MALRD1: variants seen among roughly 807,000 people sequenced by gnomAD.
MALRD1 encodes MAM and LDL-receptor class A domain-containing protein 1.
In MALRD1, 247 loss-of-function variants were observed where a neutral mutation model predicts 242.1. The observed-to-expected ratio is 1.02, with a 90% CI of 0.92 to 1.13. MALRD1 has a LOEUF of 1.13. MALRD1 is among the 50% of genes most tolerant of loss of function. The probability of loss-of-function intolerance (pLI) is 0.00; values close to 1 mark genes in which losing one functional copy is unlikely to be tolerated. For synonymous variants in MALRD1, 995 were observed against 866.6 expected (o/e 1.15, Z -2.60); for missense variants, 2,989 against 2,533.1 (o/e 1.18, Z -3.86).
intron 10 of MALRD1, among the ~76,000 whole-genome samples, chr10:19,138,326 C>T (rs1240354494): frequency 1.3e-5 from 2 of 151,940 alleles, no homozygotes; most frequent in Non-Finnish European, 2.9e-5. Flanking sequence ...CAATTTGCTT[C>T]ATTTCTGTTG....
At chr10:19,682,797 A>G (rs1211036489) in intron 36 of MALRD1, among the ~76,000 whole-genome samples, 1 of 152,232 alleles carries the variant, frequency 6.6e-6, no homozygotes, top group African/African-American at 2.4e-5. Context: ...TGGCCCAGAA[A>G]ACACTCGATC....
At chr10:19,178,956 T>A (rs1413722600) in intron 14 of MALRD1, among the ~76,000 whole-genome samples, 2 of 152,216 alleles carry the variant, frequency 1.3e-5, no homozygotes, top group Non-Finnish European at 2.9e-5. Context: ...GACCTCTGCA[T>A]GATGGAAATG....
At position 19,497,366 on chromosome 10, in the gene MALRD1, C is replaced by T. The variant is rs866109119; in HGVS notation, c.5159-1119C>T. On this transcript the variant is annotated intron_variant, in intron 30 of 39. Coordinates refer to ENST00000454679, the MANE Select transcript of MALRD1 (RefSeq NM_001142308.3). ...CACACAGAGCCCATAAATAAGCATA[C>T]AAGAAGCAATAGATTATATATAGTC... Among the ~76,000 whole-genome samples the T allele has an allele frequency of 1.8e-5, 2 of 108,562 alleles. 1 individual carries two copies. Among genetic ancestry groups the T allele is most frequent in the Non-Finnish European group, 3.5e-5 (2 of 56,896 alleles). The allele number at this position is 108,562 out of a possible 152,430, so 71.2% of individuals were successfully genotyped here.
chr10:19,135,131 T>C lies in MALRD1; in HGVS notation c.1203+1183T>C, dbSNP rs189191269. 7.9e-5 allele frequency among the ~76,000 whole-genome samples: 12 copies of C among 152,282 alleles called. No individual in the cohort carries two copies. In the East Asian group the frequency reaches 2.3e-3, roughly 29 times the overall value. ...TGAAAATCTGACCTTAAGTAATTAT[T>C]AATGAACAAACAAATATATATCCCT... On this transcript the variant is annotated intron_variant, in intron 9 of 39. Transcript: ENST00000454679.
At chr10:19,080,367 A>G (rs1412530816) in intron 2 of MALRD1, among the ~76,000 whole-genome samples, 1 of 152,078 alleles carries the variant, frequency 6.6e-6, no homozygotes, top group African/African-American at 2.4e-5. Context: ...ACTTCAAACT[A>G]TACTACAAGG....
At chr10:19,227,178 C>G (rs1837836015) in intron 18 of MALRD1, among the ~76,000 whole-genome samples, 1 of 150,924 alleles carries the variant, frequency 6.6e-6, no homozygotes, top group African/African-American at 2.4e-5. Context: ...TGCGGAAGTC[C>G]AAGAATAGCC....
intron 32 of MALRD1, among the ~76,000 whole-genome samples, chr10:19,535,162 G>T (rs1052535384): frequency 2.6e-4 from 39 of 152,210 alleles, no homozygotes; most frequent in Non-Finnish European, 4.6e-4. Flanking sequence ...GGGATTACAG[G>T]CGTGAGCCAC....
intron 9 of MALRD1, among the ~76,000 whole-genome samples, chr10:19,135,017 T>C (rs1833280245): frequency 6.6e-6 from 1 of 152,230 alleles, no homozygotes; most frequent in African/African-American, 2.4e-5. Context: ...GGGAAAAGTA[T>C]GTAGCAGCAT....
At chr10:19,133,719 C>A in intron 8 of MALRD1, 137 bp from the exon 9 acceptor site, 1 of 401,904 alleles carries the variant, frequency 2.5e-6, no homozygotes, top group Non-Finnish European at 4.3e-6. Flanking sequence ...AATTTTACTA[C>A]CAAGACTTTA....
intron 36 of MALRD1, among the ~76,000 whole-genome samples, chr10:19,684,923 A>G (rs1842516680): frequency 6.6e-6 from 1 of 152,226 alleles, no homozygotes; most frequent in African/African-American, 2.4e-5. Flanking sequence ...ATGGTATGGA[A>G]TCAGTATACT....
At chr10:19,409,122 C>T (rs1285590883) in intron 28 of MALRD1, among the ~76,000 whole-genome samples, 3 of 152,142 alleles carry the variant, frequency 2.0e-5, no homozygotes, top group East Asian at 3.9e-4. Flanking sequence ...AATTGTGGTA[C>T]ATCCATACCA....
At chr10:19,241,178 A>G (rs535083682) in intron 18 of MALRD1, among the ~76,000 whole-genome samples, 1 of 152,056 alleles carries the variant, frequency 6.6e-6, no homozygotes, top group East Asian at 1.9e-4. Context: ...AGCAGTGAAG[A>G]CATCAGGTCC....
At chr10:19,396,209 C>G (rs986293821) in intron 28 of MALRD1, among the ~76,000 whole-genome samples, 4 of 147,952 alleles carry the variant, frequency 2.7e-5, no homozygotes, top group Non-Finnish European at 4.4e-5. Flanking sequence ...GCAATCTCAG[C>G]TCACTGCAAC....
chr10:19,618,686 TTTC>T (rs1218937971), intron 36 of MALRD1, among the ~76,000 whole-genome samples: 1 of 152,092 alleles, frequency 6.6e-6, no homozygotes, highest in African/African-American at 2.4e-5. Context: ...GGTTGTTTGT[TTTC>T]TTCTTGTAAA....
At chr10:19,520,448 T>C (rs1833827947) in intron 31 of MALRD1, among the ~76,000 whole-genome samples, 1 of 152,222 alleles carries the variant, frequency 6.6e-6, no homozygotes, top group African/African-American at 2.4e-5. Context: ...TATTTCTACT[T>C]TCTCCTTGTC....
chr10:19,691,850 G>T (rs903624893), intron 36 of MALRD1, among the ~76,000 whole-genome samples: 3 of 152,058 alleles, frequency 2.0e-5, no homozygotes, highest in South Asian at 4.1e-4. Flanking sequence ...GTGTTCTTTG[G>T]TTTGTATTTA....
rs773209446 is a variant in MALRD1, at chr10:19,331,409, A to T, written c.3728A>T (p.Asp1243Val). The T allele has an allele frequency of 1.2e-5, 18 of 1,550,286 alleles. No individual in the cohort carries two copies. The highest frequency in any genetic ancestry group is 2.7e-5 in the African/African-American group (2 of 72,978). ...AAACGTGGTATCAGTTACATAGGAG[A>T]TGTAGCAGTGGATGATATTTCCTTC... The part of the protein sequence containing the change: ...RAKRGISYIG[D>V]VAVDDISFQD... The change falls in exon 24 of 40, where the codon GAT (aspartate) becomes GTT (valine). Residue 1243 changes from aspartate to valine, a missense_variant. Asp to Val is a radical substitution (Grantham distance 152). Transcript: ENST00000454679.
chr10:19,327,511 A>T, intron 22 of MALRD1, 52 bp from the exon 23 acceptor site: 1 of 1,390,466 alleles, frequency 7.2e-7, no homozygotes. Flanking sequence ...ACATGTTTGC[A>T]ATTTCTCAAG....
intron 28 of MALRD1, among the ~76,000 whole-genome samples, chr10:19,416,616 A>G (rs1833521868): frequency 6.6e-6 from 1 of 151,892 alleles, no homozygotes; most frequent in African/African-American, 2.4e-5. Context: ...TTTTACAGCT[A>G]TATCTCATAC....
Sources: gnomAD v4.1 joint callset for allele counts (sites outside exome capture counted in the v4.1 genomes callset) on GRCh38, gnomAD v4.1.1 for gene constraint, MANE v1.5 for transcripts, NCBI Gene and HGNC (gene_info 2026-07-23, HGNC 2026-07-21) for gene names.